RASAL2: variants seen among roughly 807,000 people sequenced by gnomAD.
RASAL2 encodes the protein ras GTPase-activating protein nGAP.
Under a neutral mutation model 128.9 loss-of-function variants are expected in RASAL2, and 58 were observed. That is an observed-to-expected ratio of 0.45 (90% CI 0.36 to 0.56). The LOEUF is 0.56. Among genes scored for constraint, RASAL2 ranks in the 20% least tolerant of loss-of-function variants. The pLI is 0.00. For missense variants in RASAL2, 1,360 were observed against 1,601.6 expected (o/e 0.85, Z 2.57); for synonymous variants, 561 against 580.8 (o/e 0.97, Z 0.49).
chr1:178,438,881 C>CTGTGTGTGTGTGTGTGTGTGTGTG (rs3042589), intron 5 of RASAL2, among the ~76,000 whole-genome samples: 1 of 129,392 alleles, frequency 7.7e-6, no homozygotes. Flanking sequence ...AGCTTCGACT[C>CTGTGTGTGTGTGTGTGTGTGTGTG]TGTGTGTGTG....
intron 3 of RASAL2, among the ~76,000 whole-genome samples, chr1:178,379,830 A>G (rs1222838627): frequency 6.6e-6 from 1 of 152,214 alleles, no homozygotes; most frequent in East Asian, 1.9e-4. Context: ...AGCTGAACAG[A>G]TATCTAAAGA....
At chr1:178,287,892 G>A (rs1057077478) in intron 2 of RASAL2, among the ~76,000 whole-genome samples, 35 of 152,096 alleles carry the variant, frequency 2.3e-4, no homozygotes, top group Non-Finnish European at 1.5e-5. Flanking sequence ...ACACTGCTCA[G>A]ATAATGAGTG....
intron 3 of RASAL2, among the ~76,000 whole-genome samples, chr1:178,307,311 T>G (rs2102291175): frequency 6.6e-6 from 1 of 152,280 alleles, no homozygotes; most frequent in East Asian, 1.9e-4. Context: ...AAATGAGATG[T>G]TTTCTTAAGG....
At chr1:178,129,624 TG>T (rs1399559091) in intron 1 of RASAL2, among the ~76,000 whole-genome samples, 2 of 152,178 alleles carry the variant, frequency 1.3e-5, no homozygotes, top group East Asian at 3.8e-4. Flanking sequence ...CTTTTACAAT[TG>T]ATGGTTTTAG....
At chr1:178,459,188 T>A (rs537058432) in intron 14 of RASAL2, among the ~76,000 whole-genome samples, 36 of 152,284 alleles carry the variant, frequency 2.4e-4, no homozygotes, top group African/African-American at 7.9e-4. Context: ...TAACATCACA[T>A]CCAATCTTAA....
intron 17 of RASAL2, among the ~76,000 whole-genome samples, chr1:178,471,570 A>AT (rs921128988): frequency 1.6e-4 from 25 of 151,600 alleles, no homozygotes; most frequent in Non-Finnish European, 2.5e-4. Context: ...GGAAAGAAGG[A>AT]TTTTTTTTTA....
chr1:178,126,449 A>G (rs972789882), intron 1 of RASAL2, among the ~76,000 whole-genome samples: 15 of 152,218 alleles, frequency 9.9e-5, no homozygotes, highest in Non-Finnish European at 1.5e-5. Flanking sequence ...ATTGTTGTGT[A>G]ATATTGAACA....
At chr1:178,297,825 A>T (rs1003567671) in intron 2 of RASAL2, among the ~76,000 whole-genome samples, 1 of 152,104 alleles carries the variant, frequency 6.6e-6, no homozygotes, top group African/African-American at 2.4e-5. Context: ...CAAATAAAAA[A>T]TATTGTATTT....
intron 9 of RASAL2, among the ~76,000 whole-genome samples, chr1:178,450,495 A>G (rs187839359): frequency 1.7e-4 from 26 of 152,182 alleles, no homozygotes; most frequent in Admixed American, 1.1e-3. Flanking sequence ...ATCGCTTCTC[A>G]TCTCCTGTCA....
chr1:178,415,591 A>G (rs983785810), intron 4 of RASAL2, among the ~76,000 whole-genome samples: 2 of 152,080 alleles, frequency 1.3e-5, no homozygotes, highest in African/African-American at 4.8e-5. Flanking sequence ...AGTTGATTAA[A>G]TGGTGTTTTG....
chr1:178,213,813 T>C (rs72705032), intron 1 of RASAL2, among the ~76,000 whole-genome samples: 2 of 151,960 alleles, frequency 1.3e-5, no homozygotes, highest in Non-Finnish European at 2.9e-5. Context: ...CCTGAAAATC[T>C]GTGAGCTGAA....
intron 1 of RASAL2, among the ~76,000 whole-genome samples, chr1:178,198,556 C>T (rs556308602): frequency 9.8e-5 from 15 of 152,296 alleles, no homozygotes; most frequent in African/African-American, 3.6e-4. Context: ...TCAGGTCCCT[C>T]AGCTGCAGGT....
In RASAL2 at chr1:178,318,615, C is replaced by A. The variant is rs1454213439; in HGVS notation, c.457+18497C>A. Among the ~76,000 whole-genome samples the A allele has an allele frequency of 1.2e-4, 18 of 150,866 alleles. No individual in the cohort carries two copies. The South Asian group carries it at 3.6e-3, about 30-fold the overall frequency. ...GTTTTATCAGAGACTAGGATTGCAA[C>A]CCCTGTCTTTTTTTGTTTTCCATTT... On this transcript the variant is annotated intron_variant, in intron 3 of 17. Coordinates refer to ENST00000367649, the MANE Select transcript of RASAL2 (RefSeq NM_170692.4).
At chr1:178,378,967 A>G (rs1477191560) in intron 3 of RASAL2, among the ~76,000 whole-genome samples, 1 of 152,152 alleles carries the variant, frequency 6.6e-6, no homozygotes, top group Non-Finnish European at 1.5e-5. Context: ...TAAAGCCAAG[A>G]GTTGTTCCTT....
At chr1:178,128,586 T>G (rs1280842271) in intron 1 of RASAL2, among the ~76,000 whole-genome samples, 3 of 152,136 alleles carry the variant, frequency 2.0e-5, no homozygotes, top group East Asian at 3.8e-4. Context: ...AATTGTACAA[T>G]TCACTGATTA....
intron 1 of RASAL2, among the ~76,000 whole-genome samples, chr1:178,205,760 A>G (rs1193228911): frequency 6.6e-6 from 1 of 150,408 alleles, no homozygotes; most frequent in Non-Finnish European, 1.5e-5. Flanking sequence ...CCGTCTAACA[A>G]AAAAAAAAGA....
intron 5 of RASAL2, among the ~76,000 whole-genome samples, chr1:178,429,604 A>G (rs1675751824): frequency 6.6e-6 from 1 of 151,984 alleles, no homozygotes; most frequent in South Asian, 2.1e-4. Context: ...TGAAACTGCA[A>G]TTTTCATATC....
intron 2 of RASAL2, among the ~76,000 whole-genome samples, chr1:178,299,775 G>C (rs1333113584): frequency 1.3e-5 from 2 of 152,120 alleles, no homozygotes; most frequent in Non-Finnish European, 2.9e-5. Context: ...GATTACAGGC[G>C]TGAGTCACTG....
intron 1 of RASAL2, among the ~76,000 whole-genome samples, chr1:178,127,282 A>T (rs1659935774): frequency 6.6e-6 from 1 of 152,144 alleles, no homozygotes; most frequent in Non-Finnish European, 1.5e-5. Context: ...CTTGGCTTCG[A>T]ATTATTCTTG....
Sources: allele counts gnomAD v4.1 joint callset (sites outside exome capture counted in the v4.1 genomes callset), GRCh38; gene constraint gnomAD v4.1.1; transcripts MANE v1.5; gene names NCBI Gene and HGNC (gene_info 2026-07-23, HGNC 2026-07-21).